Variants in PSD3 observed in about 807,000 individuals in gnomAD.
PSD3 encodes the protein pleckstrin and Sec7 domain containing 3.
PSD3 carries 49 observed loss-of-function variants against 105.5 expected under a neutral mutation model. The observed-to-expected ratio is 0.46, with a 90% confidence interval of 0.37 to 0.59. The LOEUF (loss-of-function observed/expected upper bound fraction) is 0.59. Among genes scored for constraint, PSD3 ranks in the 20% least tolerant of loss-of-function variants. PSD3 has a pLI of 0.00. For missense variants in PSD3, 1,561 were observed against 1,263.8 expected (o/e 1.24, Z -3.57); for synonymous variants, 557 against 457.8 (o/e 1.22, Z -2.77).
chr8:18,730,734 T>G lies in PSD3; in HGVS notation c.2172+34715A>C, dbSNP rs973938271. Among the ~76,000 whole-genome samples the G allele has an allele frequency of 5.3e-5, 8 of 152,212 alleles. 1 individual carries two copies. The highest frequency in any genetic ancestry group is 5.2e-4 in the Admixed American group (8 of 15,284). On this transcript the variant is annotated intron_variant, in intron 9 of 15. Coordinates refer to ENST00000327040, the MANE Select transcript of PSD3 (RefSeq NM_015310.4). The stretch of plus-strand genomic sequence containing the variant: ...AACAACCAAATAGATCTCCAAACAT[T>G]GCCAGATGTCCTTTGGGAAGCCTTG...
chr8:18,920,027 AAAAAC>A (rs1459593586), intron 2 of PSD3, among the ~76,000 whole-genome samples: 11 of 148,152 alleles, frequency 7.4e-5, no homozygotes, highest in African/African-American at 2.7e-4. Context: ...TAAAAAAAAA[AAAAAC>A]AATCACAAAA....
chr8:18,690,775 C>G (rs1163645168), intron 9 of PSD3, among the ~76,000 whole-genome samples: 1 of 152,216 alleles, frequency 6.6e-6, no homozygotes, highest in African/African-American at 2.4e-5. Context: ...GGTCCGTCAC[C>G]CTTCGACCCC....
At chr8:18,649,205 A>C (rs756099969) in intron 10 of PSD3, among the ~76,000 whole-genome samples, 1 of 152,202 alleles carries the variant, frequency 6.6e-6, no homozygotes, top group African/African-American at 2.4e-5. Context: ...AGCCATAGGC[A>C]CTCAACGCCA....
intron 8 of PSD3, among the ~76,000 whole-genome samples, chr8:18,775,680 A>T (rs1344940447): frequency 6.6e-6 from 1 of 152,104 alleles, no homozygotes; most frequent in Non-Finnish European, 1.5e-5. Flanking sequence ...TTTAAAATCG[A>T]GTTATTTGAC....
chr8:18,660,617 G>T (rs1809276620), intron 9 of PSD3, among the ~76,000 whole-genome samples: 1 of 152,130 alleles, frequency 6.6e-6, no homozygotes, highest in African/African-American at 2.4e-5. Flanking sequence ...ATCAACCGAG[G>T]AATTTTTAAA....
At chr8:18,761,367 GA>G (rs1260847850) in intron 9 of PSD3, among the ~76,000 whole-genome samples, 14 of 152,112 alleles carry the variant, frequency 9.2e-5, no homozygotes, top group African/African-American at 3.4e-4. Context: ...TGCAGGAAGG[GA>G]TAGGGTCCTT....
At chr8:18,971,633 G>A (rs1019431123) in intron 1 of PSD3, among the ~76,000 whole-genome samples, 2 of 152,144 alleles carry the variant, frequency 1.3e-5, no homozygotes, top group East Asian at 3.9e-4. Flanking sequence ...AAAGGAAGGG[G>A]ACCTGGCACA....
At chr8:18,833,433 T>C (rs1393780117) in intron 4 of PSD3, among the ~76,000 whole-genome samples, 1 of 152,178 alleles carries the variant, frequency 6.6e-6, no homozygotes, top group Non-Finnish European at 1.5e-5. Context: ...TATTAGAAAA[T>C]AATCAGATAA....
intron 4 of PSD3, among the ~76,000 whole-genome samples, chr8:18,849,004 G>A (rs1417449211): frequency 6.6e-6 from 1 of 152,202 alleles, no homozygotes; most frequent in Non-Finnish European, 1.5e-5. Flanking sequence ...CAAAGGTCAA[G>A]ATGTCAGAAA....
At chr8:18,911,160 G>C (rs187712775) in intron 2 of PSD3, among the ~76,000 whole-genome samples, 1 of 152,230 alleles carries the variant, frequency 6.6e-6, no homozygotes, top group East Asian at 1.9e-4. Flanking sequence ...TCGGTAGAGT[G>C]GGGGTGGGAG....
At chr8:18,728,064 A>G (rs1803464050) in intron 9 of PSD3, among the ~76,000 whole-genome samples, 1 of 145,284 alleles carries the variant, frequency 6.9e-6, no homozygotes, top group Non-Finnish European at 1.5e-5. Flanking sequence ...TGAAAAACAG[A>G]AAAAAAAAAG....
rs771888268 is a variant in PSD3, at chr8:18,529,313, G to A, written c.*6430C>T. The A allele has an allele frequency of 5.3e-5, 8 of 152,196 alleles. No individual in the cohort carries two copies. The highest frequency in any genetic ancestry group is 8.8e-5 in the Non-Finnish European group (6 of 68,034). 9.4% of individuals were successfully genotyped at this position (152,196 alleles called of 1,614,324 possible). The stretch of plus-strand genomic sequence containing the variant: ...CCACCCTGGCCCTTGGAAAACATCT[G>A]TGATGCAGTTTCCACCCCCTCTGTT... On this transcript the variant is annotated 3_prime_UTR_variant, in exon 16 of 16. Transcript: ENST00000327040.
intron 11 of PSD3, among the ~76,000 whole-genome samples, chr8:18,603,275 C>G (rs1180392661): frequency 6.6e-6 from 1 of 152,106 alleles, no homozygotes; most frequent in Non-Finnish European, 1.5e-5. Flanking sequence ...TCTAACCTTA[C>G]TTTGGCTTTT....
rs1333137850 is a variant in PSD3, at chr8:19,074,603, ATATATATATTTT to A, written c.324+9591_324+9602del. ...AACTCAGATATATACATATATATATATATATATATTTTTTTTTTTTTTTTTTTTTTTTTTTGA... is the reference window on the plus strand; with the variant it reads ...AACTCAGATATATACATATATATATATTTTTTTTTTTTTTTTTTTTTTTGA... On this transcript the variant is annotated intron_variant, in intron 1 of 1. Coordinates refer to the PSD3 transcript ENST00000521475. 1.5e-3 allele frequency among the ~76,000 whole-genome samples: 88 copies of A among 58,972 alleles called. 5 individuals carry two copies. Among genetic ancestry groups the A allele is most frequent in the Middle Eastern group, 0.013 (1 of 80 alleles). The allele number at this position is 58,972 out of a possible 152,430, so 38.7% of individuals were successfully genotyped here. A position where few individuals can be genotyped will look rare whatever the true frequency, so the allele number is the denominator to read the frequency against.
intron 1 of PSD3, 74 bp from the exon 2 acceptor site, chr8:18,936,216 A>C (rs1341636636): frequency 1.4e-5 from 13 of 954,430 alleles, no homozygotes; most frequent in South Asian, 2.7e-5. Flanking sequence ...CAAATTATCC[A>C]ACATGAGATT....
intron 10 of PSD3, among the ~76,000 whole-genome samples, chr8:18,645,248 T>C (rs1465155304): frequency 3.3e-5 from 5 of 152,256 alleles, no homozygotes; most frequent in Non-Finnish European, 4.4e-5. Context: ...TCCTTAATTC[T>C]AACCACTGAA....
chr8:18,544,158 C>G (rs373528930), intron 15 of PSD3, among the ~76,000 whole-genome samples: 1 of 58,132 alleles, frequency 1.7e-5, no homozygotes, highest in South Asian at 7.1e-4. Context: ...CAATGGAAAA[C>G]AAAGAAACAA....
At chr8:18,622,221 A>G (rs1806165329) in intron 11 of PSD3, among the ~76,000 whole-genome samples, 1 of 152,260 alleles carries the variant, frequency 6.6e-6, no homozygotes, top group Non-Finnish European at 1.5e-5. Flanking sequence ...AATCTATAAA[A>G]GAATGTGATT....
intron 2 of PSD3, among the ~76,000 whole-genome samples, chr8:18,913,028 C>T (rs576817724): frequency 6.8e-6 from 1 of 146,870 alleles, no homozygotes; most frequent in Non-Finnish European, 1.5e-5. Context: ...ATTGTGTGAT[C>T]ATTAAAAAAA....
Sources: gnomAD v4.1 joint callset for allele counts (sites outside exome capture counted in the v4.1 genomes callset) on GRCh38, gnomAD v4.1.1 for gene constraint, MANE v1.5 for transcripts, NCBI Gene and HGNC (gene_info 2026-07-23, HGNC 2026-07-21) for gene names.